The following GARNL3 variants were observed in gnomAD, a reference collection of about 807,000 sequenced individuals.
GARNL3 encodes GTPase-activating Rap/Ran-GAP domain-like protein 3.
Under a neutral mutation model 125.0 loss-of-function variants are expected in GARNL3, and 63 were observed. The ratio of observed to expected loss-of-function variants is 0.50; its 90% confidence interval spans 0.41 to 0.62. The LOEUF (loss-of-function observed/expected upper bound fraction) is 0.62. Ranked by LOEUF, GARNL3 falls within the 20% of genes least tolerant of loss-of-function variation. GARNL3 has a pLI of 0.00. For missense variants in GARNL3, 994 were observed against 1,244.0 expected (o/e 0.80, Z 3.02); for synonymous variants, 439 against 457.5 (o/e 0.96, Z 0.52).
intron 1 of GARNL3, among the ~76,000 whole-genome samples, chr9:127,232,471 C>A (rs547866039): frequency 5.3e-5 from 8 of 152,210 alleles, no homozygotes; most frequent in Non-Finnish European, 1.2e-4. Flanking sequence ...CTACTCCTGG[C>A]TAATTTTTAA....
intron 10 of GARNL3, 46 bp from the exon 11 acceptor site, chr9:127,336,082 C>T: frequency 7.4e-7 from 1 of 1,346,124 alleles, no homozygotes. Context: ...GTGAATGTGC[C>T]ATGTTTGAGA....
chr9:127,388,847 G>T (rs567742295), intron 25 of GARNL3, 57 bp from the exon 26 acceptor site: 8 of 1,034,598 alleles, frequency 7.7e-6, no homozygotes, highest in Non-Finnish European at 1.2e-5. Context: ...TTACTCTCTT[G>T]TAAATAATGT....
intron 26 of GARNL3, 84 bp from the exon 27 acceptor site, chr9:127,390,557 C>A (rs2131844294): frequency 7.7e-7 from 1 of 1,304,908 alleles, no homozygotes; most frequent in Non-Finnish European, 1.1e-6. Flanking sequence ...TGCACCAGTT[C>A]CCAACCAAGA....
intron 10 of GARNL3, among the ~76,000 whole-genome samples, chr9:127,335,760 C>G (rs1240126000): frequency 6.6e-6 from 1 of 151,904 alleles, no homozygotes; most frequent in African/African-American, 2.4e-5. Flanking sequence ...TGTGTCTTGT[C>G]AAAATGAGAC....
At chr9:127,258,481 A>G (rs2063529372) in intron 2 of GARNL3, among the ~76,000 whole-genome samples, 1 of 152,056 alleles carries the variant, frequency 6.6e-6, no homozygotes, top group Non-Finnish European at 1.5e-5. Context: ...CTCTACAAAA[A>G]TATGAAAATT....
Position 127,385,157 on chromosome 9 carries a change from TG to T in GARNL3, c.2388+15del. Reference sequence around the variant, plus strand: ...TGGTGGCCTCCAGGGTGAGTAGGACTGGGATTTTATCTCTGAGTGGTTTGGG... The same window carrying T: ...TGGTGGCCTCCAGGGTGAGTAGGACTGGATTTTATCTCTGAGTGGTTTGGG... On this transcript the variant is annotated intron_variant, in intron 24 of 27. Coordinates refer to ENST00000373387, the MANE Select transcript of GARNL3 (RefSeq NM_032293.5). The surrounding 1 kb of genome is among the most constrained non-coding windows in gnomAD (Gnocchi z 4.1). 6.4e-7 allele frequency: 1 copy of T among 1,550,852 alleles called. No individual in the cohort carries two copies.
chr9:127,278,383 T>C (rs1370159744), intron 1 of GARNL3, among the ~76,000 whole-genome samples: 1 of 152,226 alleles, frequency 6.6e-6, no homozygotes, highest in Admixed American at 6.5e-5. Flanking sequence ...GCAAATCTCT[T>C]TTTTCGTCTT....
At chr9:127,349,076 A>T in intron 17 of GARNL3, 41 bp downstream of exon 17, 1 of 1,334,276 alleles carries the variant, frequency 7.5e-7, no homozygotes, top group Non-Finnish European at 1.1e-6. Context: ...TTTTCATGTA[A>T]CTTGTAGTAC....
In GARNL3 at chr9:127,231,050, AT is replaced by A. The variant is rs71308298; in HGVS notation, c.-29+6734del. 3.3e-3 allele frequency among the ~76,000 whole-genome samples: 295 copies of A among 89,538 alleles called. 1 individual carries two copies. Among genetic ancestry groups the A allele is most frequent in the Middle Eastern group, 6.8e-3 (1 of 148 alleles). The allele number at this position is 89,538 out of a possible 152,430, so 58.7% of individuals were successfully genotyped here. A position where few individuals can be genotyped will look rare whatever the true frequency, so the allele number is the denominator to read the frequency against. On this transcript the variant is annotated intron_variant, in intron 1 of 10. Transcript: ENST00000439286. ...TGTATATATACATATATATATATAT[AT>A]TTTTTTTTTTTTTTTTTTTTTGAGA...
chr9:127,287,359 G>A (rs1327653159), intron 1 of GARNL3, among the ~76,000 whole-genome samples: 1 of 152,160 alleles, frequency 6.6e-6, no homozygotes, highest in East Asian at 1.9e-4. Context: ...AGAAAGTGTA[G>A]ATTTTTTATA....
chr9:127,243,678 T>C (rs1441231552), intron 2 of GARNL3, among the ~76,000 whole-genome samples: 2 of 152,180 alleles, frequency 1.3e-5, no homozygotes, highest in Admixed American at 1.3e-4. Context: ...TTACCTACCT[T>C]TTGAATATAA....
chr9:127,392,288 C>T lies in GARNL3; in HGVS notation c.2871-795C>T, dbSNP rs1460531436. Among the ~76,000 whole-genome samples the T allele has an allele frequency of 6.6e-6, 1 of 152,206 alleles. No individual in the cohort carries two copies. The highest frequency in any genetic ancestry group is 1.9e-4 in the East Asian group (1 of 5,200). On this transcript the variant is annotated intron_variant, in intron 27 of 27. Transcript: ENST00000373387. This position sits in a 1 kb window ranked among gnomAD's most constrained non-coding sequence, Gnocchi z 5.2. ...CAAATAAAATCATTTCAAATAGTGACAAGTGCTACAAGAAATTGAGAAGAA... is the reference window on the plus strand; with the variant it reads ...CAAATAAAATCATTTCAAATAGTGATAAGTGCTACAAGAAATTGAGAAGAA...
chr9:127,256,107 A>G (rs550734722), intron 2 of GARNL3, among the ~76,000 whole-genome samples: 1 of 152,330 alleles, frequency 6.6e-6, no homozygotes, highest in East Asian at 1.9e-4. Flanking sequence ...GTTTCCGTTT[A>G]ATACAATTTG....
At chr9:127,293,729 G>A (rs151295839) in intron 2 of GARNL3, among the ~76,000 whole-genome samples, 6 of 152,138 alleles carry the variant, frequency 3.9e-5, no homozygotes, top group East Asian at 3.9e-4. Flanking sequence ...GTGCTTCTGC[G>A]TGTGCTAGGC....
At chr9:127,226,844 A>T (rs1054525276) in intron 1 of GARNL3, among the ~76,000 whole-genome samples, 2 of 152,186 alleles carry the variant, frequency 1.3e-5, no homozygotes, top group African/African-American at 4.8e-5. Context: ...AGCATGAAGG[A>T]TGTGAGAAAC....
At chr9:127,389,311 A>G (rs983192135) in intron 26 of GARNL3, among the ~76,000 whole-genome samples, 192 bp downstream of exon 26, 14 of 152,200 alleles carry the variant, frequency 9.2e-5, no homozygotes, top group Non-Finnish European at 1.6e-4. Context: ...GATGTTGTTG[A>G]TCTATATTTA....
intron 2 of GARNL3, among the ~76,000 whole-genome samples, chr9:127,297,854 T>C (rs1259319334): frequency 6.6e-6 from 1 of 152,084 alleles, no homozygotes; most frequent in Non-Finnish European, 1.5e-5. Context: ...TCTATAGCAA[T>C]TTAAAACACA....
At chr9:127,353,982 G>A (rs1830545211) in intron 18 of GARNL3, 38 bp downstream of exon 18, 2 of 1,371,476 alleles carry the variant, frequency 1.5e-6, no homozygotes, top group Middle Eastern at 1.8e-4. Flanking sequence ...GTGGAGGAAG[G>A]AAAACAGTTG....
chr9:127,307,704 G>T (rs2064994100), intron 2 of GARNL3, among the ~76,000 whole-genome samples: 1 of 151,980 alleles, frequency 6.6e-6, no homozygotes, highest in African/African-American at 2.4e-5. Flanking sequence ...ACACGAAAAT[G>T]TTAATTTGAA....
Sources: allele counts gnomAD v4.1 joint callset (sites outside exome capture counted in the v4.1 genomes callset), GRCh38; gene constraint gnomAD v4.1.1; non-coding constraint Gnocchi (gnomAD v3.1); transcripts MANE v1.5; gene names NCBI Gene and HGNC (gene_info 2026-07-23, HGNC 2026-07-21).